ZNF462: variants seen among roughly 807,000 people sequenced by gnomAD.
ZNF462 encodes the protein zinc finger PBX1-interacting protein.
A neutral mutation model predicts 201.9 loss-of-function variants in ZNF462; 10 were observed. The observed-to-expected ratio is 0.05, with a 90% CI of 0.03 to 0.08. The LOEUF is 0.08. ZNF462 is among the 10% of genes least tolerant of loss of function. The pLI is 1.00. For missense variants in ZNF462, 2,523 were observed against 3,168.3 expected (o/e 0.80, Z 4.89); for synonymous variants, 1,227 against 1,193.3 (o/e 1.03, Z -0.58).
intron 10 of ZNF462, among the ~76,000 whole-genome samples, chr9:106,989,780 T>C (rs1828124934): frequency 6.6e-6 from 1 of 152,112 alleles, no homozygotes; most frequent in Non-Finnish European, 1.5e-5. Flanking sequence ...GGTTGTATTT[T>C]TCCAGGAATT....
Position 106,932,634 on chromosome 9 carries a change from AGT to A in ZNF462, c.6116+86_6116+87del. 1 of 1,561,128 alleles carries A rather than the reference AGT, an allele frequency of 6.4e-7. No individual in the cohort carries two copies. The highest frequency in any genetic ancestry group is 8.8e-7 in the Non-Finnish European group (1 of 1,142,076). On this transcript the variant is annotated intron_variant, in intron 5 of 12. Coordinates refer to ENST00000277225, the MANE Select transcript of ZNF462 (RefSeq NM_021224.6). This position sits in a 1 kb window ranked among gnomAD's most constrained non-coding sequence, Gnocchi z 6.8. The stretch of plus-strand genomic sequence containing the variant: ...CTAAGCTAAAGCAGAAGCTTGGATG[AGT>A]AAGAAGGCCCCACTCATGGTTCACA...
At chr9:106,869,099 T>C (rs1827474605) in intron 1 of ZNF462, among the ~76,000 whole-genome samples, 1 of 152,230 alleles carries the variant, frequency 6.6e-6, no homozygotes, top group Admixed American at 6.5e-5. Flanking sequence ...GAAGTTTGTG[T>C]GAGTCTATTG....
In ZNF462 at chr9:106,951,267, AT is replaced by A. The variant is rs574028251; in HGVS notation, c.6427+12166del. 7.9e-5 allele frequency among the ~76,000 whole-genome samples: 12 copies of A among 152,128 alleles called. No individual in the cohort carries two copies. In the South Asian group the frequency reaches 1.7e-3, roughly 21 times the overall value. On this transcript the variant is annotated intron_variant, in intron 7 of 12. Transcript: ENST00000277225. ...TTTCACTGTACTTCTTTCTCTTCTG[AT>A]TTTTTGGGGTATTTTCTAAATCACG... is the stretch of plus-strand genomic sequence containing the variant.
In ZNF462 at chr9:106,927,400, C is replaced by T. The variant is rs780091836; in HGVS notation, c.3488C>T (p.Pro1163Leu). ...GCAATGATGAGAGGGGTCGAAGGGC[C>T]CCAAGGCTCCCCCCGGCCACCCGCC... ...TAAMMRGVEG[P>L]QGSPRPPAPI... Residue 1163 changes from proline (P) to leucine (L), a missense_variant, in exon 3 of 13, where the codon CCC becomes CTC. Around this residue, in one of 15 missense-constraint regions of ZNF462, gnomAD observed 222 missense variants for 271.6 expected, o/e 0.82. Coordinates refer to ENST00000277225, the MANE Select transcript of ZNF462 (RefSeq NM_021224.6). 10 of 1,613,724 alleles carry T rather than the reference C, an allele frequency of 6.2e-6. No individual in the cohort carries two copies. In the East Asian group the frequency reaches 2.0e-4, roughly 32 times the overall value.
rs558886138 is a variant in ZNF462, at chr9:106,883,288, C to T, written c.-31+19933C>T. ...TTCTAATGCCATATGCTTCCTGGAACGCATTCTAATATAAAGTATGTGTTA... is the reference window on the plus strand; with the variant it reads ...TTCTAATGCCATATGCTTCCTGGAATGCATTCTAATATAAAGTATGTGTTA... On this transcript the variant is annotated intron_variant, in intron 1 of 12. Coordinates refer to ENST00000277225, the MANE Select transcript of ZNF462 (RefSeq NM_021224.6). This position sits in a 1 kb window ranked among gnomAD's most constrained non-coding sequence, Gnocchi z 4.9. Among the ~76,000 whole-genome samples, 5 of 152,274 alleles carry T rather than the reference C, an allele frequency of 3.3e-5. No individual in the cohort carries two copies. The highest frequency in any genetic ancestry group is 2.1e-4 in the South Asian group (1 of 4,824).
intron 10 of ZNF462, among the ~76,000 whole-genome samples, chr9:106,996,220 G>A (rs1158613689): frequency 6.6e-6 from 1 of 152,134 alleles, no homozygotes; most frequent in East Asian, 1.9e-4. Context: ...TATTATTGAT[G>A]GACATTTGGG....
chr9:106,918,106 A>C (rs956816639), intron 1 of ZNF462, among the ~76,000 whole-genome samples: 2 of 151,496 alleles, frequency 1.3e-5, no homozygotes, highest in African/African-American at 4.9e-5. Context: ...CGAACTCCTG[A>C]CCTCCTGATT....
chr9:106,899,268 A>G (rs959337006), intron 1 of ZNF462, among the ~76,000 whole-genome samples: 2 of 139,774 alleles, frequency 1.4e-5, no homozygotes, highest in Admixed American at 7.8e-5. Flanking sequence ...GCATGCATGC[A>G]TGTGTGTTTT....
At chr9:106,948,999 C>A (rs1831227842) in intron 7 of ZNF462, among the ~76,000 whole-genome samples, 1 of 152,016 alleles carries the variant, frequency 6.6e-6, no homozygotes. Context: ...AGTCTGTTTC[C>A]CCACTACTTA....
chr9:106,967,734 C>T (rs924114722), intron 7 of ZNF462, among the ~76,000 whole-genome samples: 2 of 152,146 alleles, frequency 1.3e-5, no homozygotes, highest in African/African-American at 2.4e-5. Context: ...CTAACTAAAG[C>T]ATGACATTTA....
intron 9 of ZNF462, chr9:106,979,037 G>C (rs1435374451): frequency 2.1e-5 from 4 of 186,386 alleles, no homozygotes; most frequent in Non-Finnish European, 4.3e-5. Flanking sequence ...TAATACAATA[G>C]GGGACTCCCT....
At chr9:107,001,191 T>C (rs939869476) in intron 10 of ZNF462, among the ~76,000 whole-genome samples, 1 of 152,142 alleles carries the variant, frequency 6.6e-6, no homozygotes, top group African/African-American at 2.4e-5. Context: ...GTTTAAAAAT[T>C]AGGCAAATTG....
rs1177824737 is a variant in ZNF462 at position 107,010,719 on chromosome 9, G to C, written c.7314-104G>C. On this transcript the variant is annotated intron_variant, in intron 12 of 12. Transcript: ENST00000277225. This position sits in a 1 kb window ranked among gnomAD's most constrained non-coding sequence, Gnocchi z 4.6. ...CAAAGGAAACCCCAAGGCTTTTTGAGGATCAGGAAAATAAAGACACTCGAG... is the reference window on the plus strand; with the variant it reads ...CAAAGGAAACCCCAAGGCTTTTTGACGATCAGGAAAATAAAGACACTCGAG... 5 of 1,155,610 alleles carry C rather than the reference G, an allele frequency of 4.3e-6. No homozygotes were observed. Among genetic ancestry groups the C allele is most frequent in the Non-Finnish European group, 5.9e-6 (5 of 843,212 alleles). 71.6% of individuals were successfully genotyped at this position (1,155,610 alleles called of 1,614,324 possible).
chr9:106,971,407 G>A (rs1053015684), intron 7 of ZNF462, among the ~76,000 whole-genome samples: 4 of 151,222 alleles, frequency 2.6e-5, no homozygotes, highest in Non-Finnish European at 5.9e-5. Context: ...CAAAAAAACG[G>A]TTTACTTTCT....
chr9:106,927,562 G>A lies in ZNF462; in HGVS notation c.3650G>A (p.Arg1217Gln), dbSNP rs929493141. 7.4e-6 allele frequency: 12 copies of A among 1,613,768 alleles called. No individual in the cohort carries two copies. Among genetic ancestry groups the A allele is most frequent in the South Asian group, 1.1e-5 (1 of 91,046 alleles). Reference protein sequence around the residue: ...GVLIHYQKKHRDFKANADVIR... With the variant: ...GVLIHYQKKHQDFKANADVIR... ...CTCATTCATTATCAGAAGAAGCACC[G>A]AGACTTCAAGGCCAATGCAGATGTG... The change falls in exon 3 of 13, where the codon CGA becomes CAA. Residue 1217 changes from arginine to glutamine, a missense_variant. Physicochemically the swap from Arg to Gln is conservative, Grantham distance 43. This residue lies in a region of ZNF462 where 222 missense variants were observed against 271.6 expected (regional missense o/e 0.82). Transcript: ENST00000277225.
Position 106,928,817 on chromosome 9 carries a change from T to G in ZNF462, c.4905T>G (p.Thr1635=). Residue 1635 remains threonine (T), a synonymous_variant, in exon 3 of 13, where the codon ACT becomes ACG. Coordinates refer to ENST00000277225, the MANE Select transcript of ZNF462 (RefSeq NM_021224.6). This position sits in a 1 kb window ranked among gnomAD's most constrained non-coding sequence, Gnocchi z 9.3. ...TEVSPSQVSI[T]EEEVGEEPVS... is the part of the protein sequence containing the mutation. ...TGAGCCCTTCCCAAGTCTCCATCAC[T>G]GAGGAGGAGGTGGGAGAGGAGCCCG... The G allele has an allele frequency of 1.2e-6, 2 of 1,614,138 alleles. No individual in the cohort carries two copies. The highest frequency in any genetic ancestry group is 2.7e-5 in the African/African-American group (2 of 75,042).
chr9:106,926,344 A>T lies in ZNF462; in HGVS notation c.2432A>T (p.Gln811Leu), dbSNP rs1245468171. 1 of 1,614,040 alleles carries T rather than the reference A, an allele frequency of 6.2e-7. No individual in the cohort carries two copies. Residue 811 changes from glutamine (Q) to leucine (L), a missense_variant, in exon 3 of 13, where the codon CAA (glutamine) becomes CTA (leucine). Gln to Leu is a moderately radical substitution (Grantham distance 113). Coordinates refer to ENST00000277225, the MANE Select transcript of ZNF462 (RefSeq NM_021224.6). This position sits in a 1 kb window ranked among gnomAD's most constrained non-coding sequence, Gnocchi z 7.9. ...YGSSTNLKDH[Q>L]VSNTALLNTQ... ...TCCTCAACAAACTTGAAAGATCACCAAGTTTCCAATACTGCTCTGCTGAAT... is the reference window on the plus strand; with the variant it reads ...TCCTCAACAAACTTGAAAGATCACCTAGTTTCCAATACTGCTCTGCTGAAT...
rs751502748 is a variant in ZNF462 at position 106,974,198 on chromosome 9, G to A, written c.6757G>A (p.Asp2253Asn). 2 of 1,614,180 alleles carry A rather than the reference G, an allele frequency of 1.2e-6. No homozygotes were observed. The highest frequency in any genetic ancestry group is 1.7e-6 in the Non-Finnish European group (2 of 1,180,032). ...AGCAGTTCCCGAGGAGGGCCCCAAAGATCTTCGCTGTCCTCTCTGCCTCTA... is the reference window on the plus strand; with the variant it reads ...AGCAGTTCCCGAGGAGGGCCCCAAAAATCTTCGCTGTCCTCTCTGCCTCTA... ...HSAVPEEGPK[D>N]LRCPLCLYHT... is the part of the protein sequence containing the mutation. The change falls in exon 9 of 13, where the codon GAT becomes AAT. Residue 2253 changes from aspartate (D) to asparagine (N), a missense_variant. Asp to Asn is a conservative substitution (Grantham distance 23, BLOSUM62 1). Around this residue, in one of 15 missense-constraint regions of ZNF462, gnomAD observed 228 missense variants for 361.2 expected, o/e 0.63. Transcript: ENST00000277225. This position sits in a 1 kb window ranked among gnomAD's most constrained non-coding sequence, Gnocchi z 4.0.
intron 1 of ZNF462, among the ~76,000 whole-genome samples, chr9:106,906,295 G>T (rs1022979961): frequency 6.6e-6 from 1 of 152,180 alleles, no homozygotes; most frequent in African/African-American, 2.4e-5. Flanking sequence ...GGCCTGTGGG[G>T]TCCTCTTGGG....
Sources: gnomAD v4.1 joint callset for allele counts (sites outside exome capture counted in the v4.1 genomes callset) on GRCh38, gnomAD v4.1.1 for gene constraint, gnomAD v4.1.1 regional missense constraint, Gnocchi (gnomAD v3.1) non-coding constraint, MANE v1.5 for transcripts, NCBI Gene and HGNC (gene_info 2026-07-23, HGNC 2026-07-21) for gene names.